Variants in CHD9 observed in about 807,000 individuals in gnomAD.
CHD9 encodes the protein chromodomain helicase DNA binding protein 9.
In CHD9, 77 loss-of-function variants were observed where a neutral mutation model predicts 316.1. The ratio of observed to expected loss-of-function variants is 0.24; its 90% CI spans 0.20 to 0.29. The LOEUF (loss-of-function observed/expected upper bound fraction) is 0.29. CHD9 is among the 10% of genes least tolerant of loss of function. The pLI is 1.00. For missense variants in CHD9, 2,763 were observed against 3,438.1 expected (o/e 0.80, Z 4.91); for synonymous variants, 1,129 against 1,158.3 (o/e 0.97, Z 0.51).
chr16:53,309,300 G>T (rs886239271), intron 34 of CHD9, among the ~76,000 whole-genome samples: 2 of 152,094 alleles, frequency 1.3e-5, no homozygotes, highest in Non-Finnish European at 2.9e-5. Context: ...CAGAAACAAG[G>T]TTCCTTAAAT....
intron 2 of CHD9, among the ~76,000 whole-genome samples, chr16:53,205,642 T>A (rs2045838708): frequency 6.6e-6 from 1 of 152,222 alleles, no homozygotes; most frequent in Non-Finnish European, 1.5e-5. Context: ...TCATCATAGA[T>A]TTATTAAGGT....
chr16:53,133,009 G>C (rs1300155346), intron 1 of CHD9, among the ~76,000 whole-genome samples: 1 of 151,968 alleles, frequency 6.6e-6, no homozygotes, highest in Non-Finnish European at 1.5e-5. Flanking sequence ...ACGTTATGTA[G>C]TTATAGTTTA....
At chr16:53,319,705 A>G in intron 37 of CHD9, 1 of 472,194 alleles carries the variant, frequency 2.1e-6, no homozygotes, top group South Asian at 3.1e-5. Flanking sequence ...GTTGGGTTTG[A>G]TATTAAACAT....
At chr16:53,077,618 C>T (rs181810381) in intron 1 of CHD9, among the ~76,000 whole-genome samples, 190 of 152,228 alleles carry the variant, frequency 1.2e-3, no homozygotes, top group African/African-American at 4.3e-3. Context: ...TGAGCCACCG[C>T]GCCCAGCCTA....
chr16:53,122,782 C>T (rs1056406252), intron 1 of CHD9, among the ~76,000 whole-genome samples: 2 of 152,122 alleles, frequency 1.3e-5, no homozygotes, highest in Admixed American at 6.5e-5. Flanking sequence ...TCTCCTCTCA[C>T]TGCAAGCTCT....
chr16:53,136,811 T>C (rs2039749009), intron 1 of CHD9, among the ~76,000 whole-genome samples: 1 of 152,198 alleles, frequency 6.6e-6, no homozygotes, highest in Admixed American at 6.5e-5. Flanking sequence ...TATATTCTTT[T>C]CTAGTTATTC....
intron 30 of CHD9, among the ~76,000 whole-genome samples, chr16:53,301,984 C>T (rs1226216425): frequency 6.6e-6 from 1 of 151,800 alleles, no homozygotes; most frequent in Non-Finnish European, 1.5e-5. Flanking sequence ...AGGATGGTCT[C>T]AATCTCCTGA....
At chr16:53,093,894 CAA>C (rs1290549620) in intron 1 of CHD9, among the ~76,000 whole-genome samples, 4 of 152,122 alleles carry the variant, frequency 2.6e-5, no homozygotes, top group Admixed American at 2.0e-4. Flanking sequence ...AGCAGAAGCA[CAA>C]AAGAGAACCA....
chr16:53,283,562 C>T (rs1039967578), intron 24 of CHD9, among the ~76,000 whole-genome samples: 25 of 152,178 alleles, frequency 1.6e-4, no homozygotes, highest in African/African-American at 6.0e-4. Context: ...ATCTGACCCA[C>T]TTTTTTTCTC....
chr16:53,137,057 T>C (rs915628526), intron 1 of CHD9, among the ~76,000 whole-genome samples: 11 of 151,874 alleles, frequency 7.2e-5, no homozygotes, highest in African/African-American at 2.7e-4. Context: ...CACTGCAACC[T>C]CCACTTCCCA....
chr16:53,191,514 A>G (rs2044477205), intron 2 of CHD9, among the ~76,000 whole-genome samples: 1 of 152,056 alleles, frequency 6.6e-6, no homozygotes, highest in Admixed American at 6.6e-5. Context: ...TGCTATGTAA[A>G]CGTTATCATA....
intron 32 of CHD9, 79 bp from the exon 33 acceptor site, chr16:53,307,602 A>G: frequency 1.5e-6 from 2 of 1,318,898 alleles, no homozygotes; most frequent in Non-Finnish European, 2.1e-6. Flanking sequence ...GGTTAAATCC[A>G]TAGACTCTTG....
At chr16:53,293,753 C>A (rs570751306) in intron 29 of CHD9, among the ~76,000 whole-genome samples, 1 of 152,228 alleles carries the variant, frequency 6.6e-6, no homozygotes, top group East Asian at 1.9e-4. Context: ...GAGTTCGAGA[C>A]CAGCCTCGCT....
intron 19 of CHD9, among the ~76,000 whole-genome samples, chr16:53,257,250 G>C (rs961188397): frequency 1.3e-5 from 2 of 152,166 alleles, no homozygotes; most frequent in Non-Finnish European, 2.9e-5. Context: ...GAGATGAAAC[G>C]GTGAAGGAGT....
At chr16:53,110,362 T>C (rs1298728877) in intron 1 of CHD9, among the ~76,000 whole-genome samples, 1 of 152,210 alleles carries the variant, frequency 6.6e-6, no homozygotes. Flanking sequence ...TTTGGGAGGC[T>C]GAGGCCAGAT....
chr16:53,253,539 C>G (rs933223286), intron 17 of CHD9, among the ~76,000 whole-genome samples: 1 of 152,052 alleles, frequency 6.6e-6, no homozygotes, highest in African/African-American at 2.4e-5. Context: ...CAAATTACTA[C>G]TAAAGAACTT....
At chr16:53,075,909 G>A (rs112222088) in intron 1 of CHD9, among the ~76,000 whole-genome samples, 4,980 of 151,988 alleles carry the variant, frequency 0.033, 275 homozygotes, top group African/African-American at 0.11. Flanking sequence ...ATTTCTCCAC[G>A]TCCTCACCAA....
intron 20 of CHD9, among the ~76,000 whole-genome samples, chr16:53,265,953 G>GA (rs561665704): frequency 5.3e-4 from 76 of 143,828 alleles, no homozygotes; most frequent in Non-Finnish European, 8.6e-4. Context: ...TGAAAATTAA[G>GA]AAAAAAATAC....
intron 1 of CHD9, among the ~76,000 whole-genome samples, chr16:53,065,789 T>G (rs181203169): frequency 1.3e-5 from 2 of 152,286 alleles, no homozygotes; most frequent in Admixed American, 1.3e-4. Flanking sequence ...TCTTTGGTAC[T>G]GCCTTTTTGG....
Sources: gnomAD v4.1 joint callset for allele counts (sites outside exome capture counted in the v4.1 genomes callset) on GRCh38, gnomAD v4.1.1 for gene constraint, MANE v1.5 for transcripts, NCBI Gene and HGNC (gene_info 2026-07-23, HGNC 2026-07-21) for gene names.